LRCH3: variants seen among roughly 807,000 people sequenced by gnomAD.
LRCH3 encodes leucine rich repeats and calponin homology domain containing 3.
In LRCH3, 68 loss-of-function variants were observed where a neutral mutation model predicts 104.5. The ratio of observed to expected loss-of-function variants is 0.65; its 90% confidence interval spans 0.54 to 0.80. LRCH3 has a LOEUF of 0.80. LRCH3 is among the 30% of genes least tolerant of loss of function. LRCH3 has a pLI of 0.00. For synonymous variants in LRCH3, 344 were observed against 361.3 expected (o/e 0.95, Z 0.54); for missense variants, 951 against 953.9 (o/e 1.00, Z 0.04).
At chr3:197,873,170 T>A (rs1170388059) in intron 19 of LRCH3, among the ~76,000 whole-genome samples, 2 of 152,172 alleles carry the variant, frequency 1.3e-5, no homozygotes, top group Non-Finnish European at 2.9e-5. Context: ...CACATTTTTA[T>A]CATGAAAAAT....
intron 1 of LRCH3, among the ~76,000 whole-genome samples, chr3:197,814,040 T>C (rs1323872428): frequency 5.3e-5 from 8 of 152,174 alleles, no homozygotes; most frequent in Non-Finnish European, 7.4e-5. Context: ...AAATGTTTGA[T>C]TTTTTTCTCT....
intron 1 of LRCH3, among the ~76,000 whole-genome samples, chr3:197,795,725 C>G (rs958526827): frequency 7.8e-6 from 1 of 129,010 alleles, no homozygotes; most frequent in African/African-American, 3.0e-5. Context: ...TGGAGTCTCG[C>G]TCTGTCACCC....
rs1740008564 is a variant in LRCH3 at position 197,854,446 on chromosome 3, G to C, written c.1644+1G>C. 5 of 1,613,880 alleles carry C rather than the reference G, an allele frequency of 3.1e-6. No homozygotes were observed. The highest frequency in any genetic ancestry group is 4.2e-6 in the Non-Finnish European group (5 of 1,179,752). On this transcript the variant is annotated splice_donor_variant, in intron 14 of 20. Transcript: ENST00000425562. LOFTEE classifies it high-confidence loss of function. The surrounding 1 kb of genome is among the most constrained non-coding windows in gnomAD (Gnocchi z 4.5). Reference sequence around the variant, plus strand: ...CACTGATGATAGTGCCTTGTGCATGGTAAGAGTTTTGCACAAAACGGAGTT... The same window carrying C: ...CACTGATGATAGTGCCTTGTGCATGCTAAGAGTTTTGCACAAAACGGAGTT...
At chr3:197,823,654 A>C (rs531839880) in intron 4 of LRCH3, among the ~76,000 whole-genome samples, 2 of 151,724 alleles carry the variant, frequency 1.3e-5, no homozygotes, top group Admixed American at 1.3e-4. Context: ...ACACCCAGAA[A>C]ATTTTGTATT....
chr3:197,875,846 T>C (rs1712827719), intron 20 of LRCH3, 71 bp downstream of exon 20: 1 of 1,001,014 alleles, frequency 1.0e-6, no homozygotes, highest in Non-Finnish European at 1.5e-6. Context: ...AATGTAAATC[T>C]CTAAAATCTT....
chr3:197,814,982 T>G lies in LRCH3; in HGVS notation c.337T>G (p.Tyr113Asp). The G allele has an allele frequency of 6.3e-7, 1 of 1,593,494 alleles. No individual in the cohort carries two copies. Among genetic ancestry groups the G allele is most frequent in the South Asian group, 1.1e-5 (1 of 87,038 alleles). Residue 113 changes from tyrosine to aspartate, a missense_variant, in exon 2 of 21, where the codon TAC (tyrosine) becomes GAC (aspartate). Coordinates refer to ENST00000425562, the MANE Select transcript of LRCH3 (RefSeq NM_001365715.1). ...HFVSLENLNL[Y>D]QNCIRYIPEA... ...TGTTTCTCTGGAAAATCTCAACTTG[T>G]ACCAAAATTGTATTCGTTATATTCC...
At chr3:197,828,538 G>T (rs990099986) in intron 5 of LRCH3, among the ~76,000 whole-genome samples, 1 of 151,238 alleles carries the variant, frequency 6.6e-6, no homozygotes, top group Non-Finnish European at 1.5e-5. Context: ...GTAGAGACGG[G>T]GTTTCACCGT....
At chr3:197,879,961 T>C (rs985265259) in intron 20 of LRCH3, among the ~76,000 whole-genome samples, 1 of 151,686 alleles carries the variant, frequency 6.6e-6, no homozygotes, top group Non-Finnish European at 1.5e-5. Context: ...TTTTTTTTTT[T>C]TTGAGACGGA....
intron 9 of LRCH3, among the ~76,000 whole-genome samples, chr3:197,836,466 T>C (rs1736809855): frequency 6.6e-6 from 1 of 152,240 alleles, no homozygotes; most frequent in Non-Finnish European, 1.5e-5. Context: ...CATAATAAAA[T>C]GGCTTCACTT....
At chr3:197,804,205 A>G (rs540395945) in intron 1 of LRCH3, among the ~76,000 whole-genome samples, 11 of 152,010 alleles carry the variant, frequency 7.2e-5, no homozygotes, top group African/African-American at 2.2e-4. Flanking sequence ...GGAGGTTGCA[A>G]TGAGCCAAGA....
At chr3:197,872,907 G>T (rs1322073963) in intron 19 of LRCH3, among the ~76,000 whole-genome samples, 1 of 152,146 alleles carries the variant, frequency 6.6e-6, no homozygotes, top group Non-Finnish European at 1.5e-5. Flanking sequence ...AAAGGCTGTT[G>T]TATTAGTCCA....
chr3:197,831,581 G>C (rs1334576543), intron 7 of LRCH3, among the ~76,000 whole-genome samples: 1 of 151,218 alleles, frequency 6.6e-6, no homozygotes, highest in South Asian at 2.1e-4. Flanking sequence ...AAATGTGGCT[G>C]TATCAATACA....
rs185803851 is a variant in LRCH3, at chr3:197,843,693, A to G, written c.1329-3716A>G. On this transcript the variant is annotated intron_variant, in intron 10 of 20. Transcript: ENST00000425562. ...ATACGCCATCTCAAAAGAAAAAAAA[A>G]AAGTCTGCCTTATAGAGATAAAAGT... is the stretch of plus-strand genomic sequence containing the variant. 7.1e-4 allele frequency among the ~76,000 whole-genome samples: 108 copies of G among 152,316 alleles called. 2 individuals carry two copies. The East Asian group carries it at 0.011, about 16-fold the overall frequency.
intron 20 of LRCH3, among the ~76,000 whole-genome samples, chr3:197,878,512 G>T (rs1713166501): frequency 6.6e-6 from 1 of 152,128 alleles, no homozygotes; most frequent in African/African-American, 2.4e-5. Flanking sequence ...TTAGGCTGAG[G>T]TTTTGATGCA....
At chr3:197,876,832 C>T (rs1306220714) in intron 20 of LRCH3, among the ~76,000 whole-genome samples, 16 of 138,380 alleles carry the variant, frequency 1.2e-4, no homozygotes, top group African/African-American at 2.6e-4. Context: ...CCCAACTCAC[C>T]GCACCCATGG....
rs528787758 is a variant in LRCH3, at chr3:197,846,236, T to G, written c.1329-1173T>G. ...TGGGTTAACCTAGCAAAACCCGGTCTCTACAAAAACTGCAGAAATAAGCCT... is the reference window on the plus strand; with the variant it reads ...TGGGTTAACCTAGCAAAACCCGGTCGCTACAAAAACTGCAGAAATAAGCCT... On this transcript the variant is annotated intron_variant, in intron 10 of 20. Coordinates refer to ENST00000425562, the MANE Select transcript of LRCH3 (RefSeq NM_001365715.1). Among the ~76,000 whole-genome samples, 3 of 152,128 alleles carry G rather than the reference T, an allele frequency of 2.0e-5. No homozygotes were observed. The East Asian group carries it at 5.8e-4, about 29-fold the overall frequency.
chr3:197,817,128 C>T, intron 2 of LRCH3, 48 bp from the exon 3 acceptor site: 1 of 1,530,264 alleles, frequency 6.5e-7, no homozygotes, highest in Non-Finnish European at 8.8e-7. Context: ...GAAAATTTTT[C>T]TTCAGTGGTG....
chr3:197,875,455 G>A (rs1485348266), intron 19 of LRCH3, among the ~76,000 whole-genome samples: 1 of 152,168 alleles, frequency 6.6e-6, no homozygotes, highest in Non-Finnish European at 1.5e-5. Flanking sequence ...CTTGAACTCA[G>A]GAATTCAAGA....
At chr3:197,869,573 T>C (rs1711834167) in intron 17 of LRCH3, among the ~76,000 whole-genome samples, 1 of 139,402 alleles carries the variant, frequency 7.2e-6, no homozygotes, top group African/African-American at 2.9e-5. Flanking sequence ...CTGCAGGAGG[T>C]AGAAAGCGAT....
Sources: allele counts gnomAD v4.1 joint callset (sites outside exome capture counted in the v4.1 genomes callset), GRCh38; gene constraint gnomAD v4.1.1; non-coding constraint Gnocchi (gnomAD v3.1); transcripts MANE v1.5; gene names NCBI Gene and HGNC (gene_info 2026-07-23, HGNC 2026-07-21).